The following GADL1 variants were observed in gnomAD, a reference collection of about 807,000 sequenced individuals.
The protein encoded by GADL1 is GAD like acidic amino acid decarboxylase 1, also known as acidic amino acid decarboxylase GADL1.
GADL1 carries 71 observed loss-of-function variants against 69.5 expected under a neutral mutation model. The ratio of observed to expected loss-of-function variants is 1.02; its 90% confidence interval spans 0.84 to 1.25. GADL1 has a LOEUF of 1.25. Ranked by LOEUF, GADL1 falls within the 50% of genes most tolerant of loss-of-function variation. The pLI, the probability that GADL1 is intolerant of heterozygous loss-of-function variation, is 0.00. For missense variants in GADL1, 737 were observed against 631.8 expected (o/e 1.17, Z -1.79); for synonymous variants, 254 against 214.4 (o/e 1.18, Z -1.62).
chr3:30,784,134 T>C (rs1696736252), intron 13 of GADL1, among the ~76,000 whole-genome samples: 1 of 152,202 alleles, frequency 6.6e-6, no homozygotes, highest in African/African-American at 2.4e-5. Flanking sequence ...CTAAAAACTA[T>C]AGACATTTTC....
intron 14 of GADL1, among the ~76,000 whole-genome samples, chr3:30,769,344 G>T (rs1451077636): frequency 6.6e-6 from 1 of 152,064 alleles, no homozygotes; most frequent in Middle Eastern, 3.2e-3. Flanking sequence ...TATCTGTTAG[G>T]ATAGGGGCAG....
chr3:30,839,130 C>T lies in GADL1; in HGVS notation c.787-17G>A. ...TGCTGCCCCCTGTAAGAAGGATCCA[C>T]ACACACAAAATTATCACTGTCATCA... On this transcript the variant is annotated splice_polypyrimidine_tract_variant and intron_variant, in intron 8 of 14. Transcript: ENST00000282538. 1.4e-6 allele frequency: 2 copies of T among 1,457,452 alleles called. No homozygotes were observed. The highest frequency in any genetic ancestry group is 1.8e-6 in the Non-Finnish European group (2 of 1,085,232). 90.3% of individuals were successfully genotyped at this position (1,457,452 alleles called of 1,614,324 possible).
intron 9 of GADL1, among the ~76,000 whole-genome samples, chr3:30,834,619 C>T (rs905813097): frequency 6.6e-6 from 1 of 152,028 alleles, no homozygotes. Context: ...CTTCACAATG[C>T]TAACATTTTG....
chr3:30,763,357 A>AC (rs1696187138), intron 14 of GADL1, among the ~76,000 whole-genome samples: 1 of 151,894 alleles, frequency 6.6e-6, no homozygotes, highest in African/African-American at 2.4e-5. Context: ...CAAAAAATTA[A>AC]CCAAGTATAG....
At chr3:30,778,899 G>A (rs1270577365) in intron 13 of GADL1, 1 of 152,184 alleles carries the variant, frequency 6.6e-6, no homozygotes, top group Admixed American at 6.5e-5. Flanking sequence ...AGGTTCCTAT[G>A]TTCAAAATGT....
At chr3:30,863,032 C>G (rs1364233252) in intron 1 of GADL1, among the ~76,000 whole-genome samples, 1 of 147,382 alleles carries the variant, frequency 6.8e-6, no homozygotes, top group Non-Finnish European at 1.5e-5. Context: ...CTGTTTCACA[C>G]ACACACACAC....
chr3:30,756,924 C>CT (rs1695988885), intron 14 of GADL1, among the ~76,000 whole-genome samples: 1 of 152,192 alleles, frequency 6.6e-6, no homozygotes, highest in African/African-American at 2.4e-5. Context: ...TAACTCAGCA[C>CT]TAGCCTCCAA....
At position 30,854,741 on chromosome 3, in the gene GADL1, G is replaced by A. The variant is rs956610187; in HGVS notation, c.386C>T (p.Ser129Phe). ...TTCGGTCATAAATCGGGCCACCAAG[G>A]AGTAATAATCAAGTCCAGCATACAA... is the stretch of plus-strand genomic sequence containing the variant. ...NQLYAGLDYY[S>F]LVARFMTEAL... Residue 129 changes from serine to phenylalanine, a missense_variant, in exon 4 of 15, where the codon TCC (serine) becomes TTC (phenylalanine). Transcript: ENST00000282538. 12 of 1,549,694 alleles carry A rather than the reference G, an allele frequency of 7.7e-6. No individual in the cohort carries two copies. Among genetic ancestry groups the A allele is most frequent in the South Asian group, 2.4e-5 (2 of 83,924 alleles).
At chr3:30,889,440 C>T (rs1253150074) in intron 1 of GADL1, among the ~76,000 whole-genome samples, 2 of 152,088 alleles carry the variant, frequency 1.3e-5, no homozygotes, top group Non-Finnish European at 2.9e-5. Flanking sequence ...AGCACACGTG[C>T]AAAACAATTA....
chr3:30,767,493 T>A (rs921283013), intron 14 of GADL1, among the ~76,000 whole-genome samples: 1 of 152,014 alleles, frequency 6.6e-6, no homozygotes, highest in African/African-American at 2.4e-5. Context: ...CATAATAAAG[T>A]GTTAGGAGGA....
At chr3:30,786,286 GAT>G in intron 13 of GADL1, 67 bp downstream of exon 13, 2 of 927,140 alleles carry the variant, frequency 2.2e-6, no homozygotes, top group Non-Finnish European at 3.6e-6. Context: ...ACATATAACA[GAT>G]AAGAAAATTA....
At chr3:30,795,865 A>G (rs1697022344) in intron 12 of GADL1, among the ~76,000 whole-genome samples, 1 of 152,178 alleles carries the variant, frequency 6.6e-6, no homozygotes, top group South Asian at 2.1e-4. Flanking sequence ...AAGGCAAAAA[A>G]ACTATTATGA....
intron 1 of GADL1, among the ~76,000 whole-genome samples, chr3:30,877,637 TATTG>T (rs1487231714): frequency 2.0e-5 from 3 of 151,890 alleles, no homozygotes; most frequent in Non-Finnish European, 4.4e-5. Context: ...ACTAAGTCTC[TATTG>T]ATTTTGTAAG....
Position 30,880,031 on chromosome 3 carries a change from G to A in GADL1, c.37+14547C>T, listed in dbSNP as rs564442179. Among the ~76,000 whole-genome samples, 7 of 86,348 alleles carry A rather than the reference G, an allele frequency of 8.1e-5. No homozygotes were observed. In the South Asian group the frequency reaches 1.7e-3, roughly 21 times the overall value. The allele number at this position is 86,348 out of a possible 152,430, so 56.6% of individuals were successfully genotyped here. On this transcript the variant is annotated intron_variant, in intron 1 of 14. Transcript: ENST00000282538. ...CCAGACACTGCTGGCATAAAGGAAGGAGGTATTCATAAAGGCAGCAGAAGA... is the reference window on the plus strand; with the variant it reads ...CCAGACACTGCTGGCATAAAGGAAGAAGGTATTCATAAAGGCAGCAGAAGA...
chr3:30,830,253 T>TC (rs1284492120), intron 11 of GADL1, among the ~76,000 whole-genome samples: 6 of 151,524 alleles, frequency 4.0e-5, no homozygotes, highest in Non-Finnish European at 5.9e-5. Context: ...CCCTGCAAAG[T>TC]CCCCCCCTGC....
In GADL1 at chr3:30,850,973, T is replaced by C. The variant is rs1409331478; in HGVS notation, c.429-32A>G. 7 of 1,256,494 alleles carry C rather than the reference T, an allele frequency of 5.6e-6. No homozygotes were observed. In the Admixed American group the frequency reaches 8.2e-5, roughly 15 times the overall value. The allele number at this position is 1,256,494 out of a possible 1,614,324, so 77.8% of individuals were successfully genotyped here. On this transcript the variant is annotated intron_variant, in intron 4 of 14. Transcript: ENST00000282538. ...AGATATAAAAAACACTTCACTTCTA[T>C]GACTAGAGTCAAAACATTCCTTTGG...
chr3:30,865,343 G>T (rs576465935), intron 1 of GADL1, among the ~76,000 whole-genome samples: 1 of 151,552 alleles, frequency 6.6e-6, no homozygotes, highest in South Asian at 2.1e-4. Context: ...GAAAGGTTAA[G>T]CTCTGTGAGA....
intron 14 of GADL1, among the ~76,000 whole-genome samples, chr3:30,756,810 C>T (rs1419526990): frequency 3.3e-5 from 5 of 151,846 alleles, no homozygotes; most frequent in Non-Finnish European, 5.9e-5. Context: ...GATGGCTTGT[C>T]TCTCTTACAC....
intron 11 of GADL1, among the ~76,000 whole-genome samples, chr3:30,832,980 G>T (rs376088180): frequency 4.6e-5 from 7 of 151,960 alleles, no homozygotes; most frequent in Non-Finnish European, 7.4e-5. Flanking sequence ...TTAAAAAGTT[G>T]TAAATAGCTA....
Sources: gnomAD v4.1 joint callset for allele counts (sites outside exome capture counted in the v4.1 genomes callset) on GRCh38, gnomAD v4.1.1 for gene constraint, MANE v1.5 for transcripts, NCBI Gene and HGNC (gene_info 2026-07-23, HGNC 2026-07-21) for gene names.